Variants in MGME1 observed in about 807,000 individuals in gnomAD.
MGME1 encodes chromosome 20 open reading frame 72.
Under a neutral mutation model 33.0 loss-of-function variants are expected in MGME1, and 22 were observed. That is an observed-to-expected ratio of 0.67 (90% CI 0.48 to 0.95). The LOEUF is 0.95. Ranked by LOEUF, MGME1 falls within the 40% of genes least tolerant of loss-of-function variation. The probability of loss-of-function intolerance (pLI) is 0.00; values close to 1 mark genes in which losing one functional copy is unlikely to be tolerated. For synonymous variants in MGME1, 133 were observed against 144.0 expected (o/e 0.92, Z 0.55); for missense variants, 383 against 397.8 (o/e 0.96, Z 0.32).
intron 3 of MGME1, among the ~76,000 whole-genome samples, chr20:17,983,411 C>T (rs1023123808): frequency 6.6e-6 from 1 of 152,012 alleles, no homozygotes; most frequent in African/African-American, 2.4e-5. Context: ...GGTGTCTCTT[C>T]AACATACTGA....
chr20:17,979,652 G>A (rs1347576765), intron 3 of MGME1, among the ~76,000 whole-genome samples: 5 of 151,034 alleles, frequency 3.3e-5, no homozygotes, highest in South Asian at 2.1e-4. Context: ...TCCTGACCTC[G>A]TGATCTGCCC....
intron 3 of MGME1, among the ~76,000 whole-genome samples, chr20:17,978,798 C>T (rs1332822878): frequency 6.6e-6 from 1 of 151,900 alleles, no homozygotes; most frequent in Non-Finnish European, 1.5e-5. Context: ...GTTTTTGAGA[C>T]AGAGTCTTGC....
Position 17,970,039 on chromosome 20 carries a change from G to A in MGME1, c.180G>A (p.Leu60=). The A allele has an allele frequency of 6.2e-7, 1 of 1,614,198 alleles. No individual in the cohort carries two copies. Among genetic ancestry groups the A allele is most frequent in the Non-Finnish European group, 8.5e-7 (1 of 1,180,030 alleles). Residue 60 remains leucine (L), a synonymous_variant, in exon 2 of 5, where the codon TTG becomes TTA. Coordinates refer to ENST00000377710, the MANE Select transcript of MGME1 (RefSeq NM_052865.4). The part of the protein sequence containing the change: ...EKYSNLVQSV[L]SSRGVAQTPG... ...ACTCTAATTTAGTTCAGTCTGTCTT[G>A]TCATCCAGAGGCGTCGCCCAGACCC...
At chr20:17,968,840 A>G (rs1033540752), upstream of MGME1, 13 of 189,994 alleles carry the variant, frequency 6.8e-5, no homozygotes, top group Non-Finnish European at 1.1e-5. Flanking sequence ...CCCGAGTCCA[A>G]GATGGCAGCG....
chr20:17,989,241 C>T (rs559876258), intron 4 of MGME1, among the ~76,000 whole-genome samples: 1 of 151,556 alleles, frequency 6.6e-6, no homozygotes, highest in East Asian at 1.9e-4. Context: ...CAAAAATTAG[C>T]TGGGCGTGGT....
chr20:17,971,070 T>C (rs1023415826), intron 2 of MGME1, among the ~76,000 whole-genome samples: 3 of 152,254 alleles, frequency 2.0e-5, no homozygotes, highest in African/African-American at 7.2e-5. Flanking sequence ...TTACCCAAGC[T>C]TCCCAAAGTG....
At chr20:17,978,406 T>C (rs1180933538) in intron 3 of MGME1, among the ~76,000 whole-genome samples, 1 of 152,142 alleles carries the variant, frequency 6.6e-6, no homozygotes, top group African/African-American at 2.4e-5. Flanking sequence ...GGTTTCGCCA[T>C]GTTGGCCAGG....
At position 17,988,227 on chromosome 20, in the gene MGME1, AC is replaced by A. The variant is rs1375480694; in HGVS notation, c.794del (p.Thr265AsnfsTer15). 6.2e-7 allele frequency: 1 copy of A among 1,614,110 alleles called. No individual in the cohort carries two copies. Among genetic ancestry groups the A allele is most frequent in the Non-Finnish European group, 8.5e-7 (1 of 1,179,956 alleles). On this transcript the variant is annotated frameshift_variant, in exon 4 of 5. Transcript: ENST00000377710. LOFTEE classifies it high-confidence loss of function. Reference protein sequence around the residue: ...SEKPKPFIQSTFDNPLQVVAY... With the variant: ...SEKPKPFIQSXFDNPLQVVAY... ...GAAACCAAAGCCTTTTATTCAAAGT[AC>A]ATTTGACAACCCACTGCAAGTTGTG...
At chr20:17,979,434 T>C (rs1381906427) in intron 3 of MGME1, among the ~76,000 whole-genome samples, 1 of 150,436 alleles carries the variant, frequency 6.6e-6, no homozygotes, top group Non-Finnish European at 1.5e-5. Flanking sequence ...TTTTTTGAGA[T>C]GGAGTCTTGC....
chr20:17,971,309 T>C (rs2035723485), intron 2 of MGME1, among the ~76,000 whole-genome samples: 2 of 152,226 alleles, frequency 1.3e-5, no homozygotes, highest in Admixed American at 6.5e-5. Context: ...TTGCTCCTTA[T>C]AATATTCCTC....
chr20:17,980,502 TA>T (rs1007012585), intron 3 of MGME1, among the ~76,000 whole-genome samples: 2 of 151,170 alleles, frequency 1.3e-5, no homozygotes, highest in African/African-American at 4.9e-5. Context: ...TTTTTCCACT[TA>T]AAAAAATTAT....
In MGME1 at chr20:17,990,412, G is replaced by GT. The variant is rs1555792153; in HGVS notation, c.*303_*304insT. Reference sequence around the variant, plus strand: ...TCTTGTACTCCCTTGAGGGACATTGGGGGGGGGGGGGCGTGGTCCCAGGCA... The same window carrying GT: ...TCTTGTACTCCCTTGAGGGACATTGGTGGGGGGGGGGGCGTGGTCCCAGGCA... On this transcript the variant is annotated 3_prime_UTR_variant, in exon 5 of 5. Coordinates refer to ENST00000377710, the MANE Select transcript of MGME1 (RefSeq NM_052865.4). The GT allele has an allele frequency of 1.5e-3, 449 of 298,152 alleles. 4 individuals are homozygous for GT. Among genetic ancestry groups the GT allele is most frequent in the South Asian group, 3.9e-3 (87 of 22,040 alleles). The allele number at this position is 298,152 out of a possible 1,614,324, so 18.5% of individuals were successfully genotyped here.
intron 3 of MGME1, among the ~76,000 whole-genome samples, chr20:17,986,831 T>C (rs1275791873): frequency 2.1e-5 from 3 of 144,948 alleles, no homozygotes; most frequent in African/African-American, 7.6e-5. Context: ...GCTATTAAGG[T>C]TTTTTTTTTT....
rs570440915 is a variant in MGME1 at position 17,969,693 on chromosome 20, T to G, written c.-59-108T>G. ...GGAGGCAGGGTCTCGCTCTGTCGACTTTCTTAAGAAAGGGCTCTGTCCAAA... is the reference window on the plus strand; with the variant it reads ...GGAGGCAGGGTCTCGCTCTGTCGACGTTCTTAAGAAAGGGCTCTGTCCAAA... On this transcript the variant is annotated intron_variant, in intron 1 of 4. Coordinates refer to ENST00000377710, the MANE Select transcript of MGME1 (RefSeq NM_052865.4). 9.5e-5 allele frequency: 64 copies of G among 674,456 alleles called. 1 individual carries two copies. In the African/African-American group the frequency reaches 1.0e-3, roughly 11 times the overall value. The allele number at this position is 674,456 out of a possible 1,614,324, so 41.8% of individuals were successfully genotyped here. A position where few individuals can be genotyped will look rare whatever the true frequency, so the allele number is the denominator to read the frequency against.
intron 2 of MGME1, among the ~76,000 whole-genome samples, chr20:17,974,021 A>G (rs2035793732): frequency 6.6e-6 from 1 of 150,642 alleles, no homozygotes; most frequent in East Asian, 1.9e-4. Flanking sequence ...ACTAAGAAAC[A>G]AGTGAATATA....
At chr20:17,984,283 T>C (rs2036102318) in intron 3 of MGME1, among the ~76,000 whole-genome samples, 1 of 152,210 alleles carries the variant, frequency 6.6e-6, no homozygotes, top group African/African-American at 2.4e-5. Context: ...TATGCTATTA[T>C]CATGCTGTTT....
chr20:17,989,818 C>T (rs1034641226), intron 4 of MGME1, 121 bp from the exon 5 acceptor site: 2 of 850,362 alleles, frequency 2.4e-6, no homozygotes, highest in Non-Finnish European at 3.7e-6. Flanking sequence ...ACCTTAGAAA[C>T]TGAGTTAGGA....
intron 3 of MGME1, among the ~76,000 whole-genome samples, chr20:17,976,303 T>C (rs766188580): frequency 2.6e-5 from 4 of 152,006 alleles, no homozygotes; most frequent in Non-Finnish European, 4.4e-5. Flanking sequence ...TTTGTATTTT[T>C]AGTAGAGACA....
chr20:17,970,468 T>TA, intron 2 of MGME1, 98 bp downstream of exon 2: 1 of 1,264,566 alleles, frequency 7.9e-7, no homozygotes, highest in Non-Finnish European at 1.1e-6. Context: ...TTTTTTAACT[T>TA]ACTAGCAAGG....
Sources: allele counts gnomAD v4.1 joint callset (sites outside exome capture counted in the v4.1 genomes callset), GRCh38; gene constraint gnomAD v4.1.1; transcripts MANE v1.5; gene names NCBI Gene and HGNC (gene_info 2026-07-23, HGNC 2026-07-21).